The following CHIA variants were observed in gnomAD, a reference collection of about 807,000 sequenced individuals.
CHIA encodes acidic mammalian chitinase.
CHIA carries 47 observed loss-of-function variants against 53.5 expected under a neutral mutation model. The ratio of observed to expected loss-of-function variants is 0.88; its 90% CI spans 0.70 to 1.12. The LOEUF (loss-of-function observed/expected upper bound fraction) is 1.12, where lower values mean the gene tolerates loss of function less well. CHIA is among the 50% of genes most tolerant of loss of function. CHIA has a pLI of 0.00. For synonymous variants in CHIA, 268 were observed against 222.2 expected (o/e 1.21, Z -1.83); for missense variants, 652 against 592.2 (o/e 1.10, Z -1.05).
At chr1:111,320,143 C>T in intron 11 of CHIA, 70 bp from the exon 12 acceptor site, 3 of 1,449,650 alleles carry the variant, frequency 2.1e-6, no homozygotes, top group Non-Finnish European at 2.9e-6. Flanking sequence ...CCACAGTTCT[C>T]TTCACCTCTA....
intron 2 of CHIA, among the ~76,000 whole-genome samples, chr1:111,311,123 C>A (rs1648629075): frequency 6.6e-6 from 1 of 152,168 alleles, no homozygotes; most frequent in Admixed American, 6.5e-5. Flanking sequence ...AGAACCTTTT[C>A]CAAATGAAAC....
chr1:111,312,482 T>C (rs886766639), intron 4 of CHIA, 91 bp downstream of exon 4: 9 of 1,052,948 alleles, frequency 8.5e-6, no homozygotes, highest in Non-Finnish European at 1.3e-5. Flanking sequence ...GATCCATGGA[T>C]CTGAGATGGG....
At chr1:111,312,486 AGATGGGG>A in intron 4 of CHIA, 95 bp downstream of exon 4, 4 of 1,005,316 alleles carry the variant, frequency 4.0e-6, no homozygotes, top group Non-Finnish European at 6.2e-6. Context: ...CATGGATCTG[AGATGGGG>A]ACCAAGACTC....
In CHIA at chr1:111,319,339, A is replaced by C; in HGVS notation, c.1048A>C (p.Lys350Gln). 1 of 1,614,242 alleles carries C rather than the reference A, an allele frequency of 6.2e-7. No individual in the cohort carries two copies. Among genetic ancestry groups the C allele is most frequent in the Non-Finnish European group, 8.5e-7 (1 of 1,180,040 alleles). Residue 350 changes from lysine to glutamine, a missense_variant, in exon 11 of 12, where the codon AAG (lysine) becomes CAG (glutamine). Transcript: ENST00000369740. ...KSFDIKAQWL[K>Q]HNKFGGAMVW... ...TTTCTTTAAACAGGCTCAATGGCTTAAGCACAACAAATTTGGAGGCGCCAT... is the reference window on the plus strand; with the variant it reads ...TTTCTTTAAACAGGCTCAATGGCTTCAGCACAACAAATTTGGAGGCGCCAT...
chr1:111,291,022 CTTATTATATCAAGTTGT>C (rs1660981282), intron 1 of CHIA, 72 bp downstream of exon 1: 1 of 338,148 alleles, frequency 3.0e-6, no homozygotes, highest in South Asian at 2.3e-5. Context: ...TATCAATTTG[CTTATTATATCAAGTTGT>C]TTATTATATC....
rs539844424 is a variant in CHIA, at chr1:111,292,539, C to T, written c.-69+1589C>T. On this transcript the variant is annotated intron_variant, in intron 1 of 11. Coordinates refer to ENST00000369740, the MANE Select transcript of CHIA (RefSeq NM_201653.4). ...TACATTGACTGCATGGGCCAGTCTCCGTTATCTTTTTTTCCATGTTTTAAA... is the reference window on the plus strand; with the variant it reads ...TACATTGACTGCATGGGCCAGTCTCTGTTATCTTTTTTTCCATGTTTTAAA... Among the ~76,000 whole-genome samples, 10 of 152,198 alleles carry T rather than the reference C, an allele frequency of 6.6e-5. No homozygotes were observed. In the South Asian group the frequency reaches 1.2e-3, roughly 19 times the overall value.
chr1:111,307,396 A>G (rs1366874385), intron 1 of CHIA, among the ~76,000 whole-genome samples: 3 of 152,186 alleles, frequency 2.0e-5, no homozygotes, highest in Admixed American at 1.3e-4. Flanking sequence ...AGACTAATGA[A>G]TATGTTGAAA....
intron 5 of CHIA, 51 bp downstream of exon 5, chr1:111,314,647 A>G: frequency 7.3e-7 from 1 of 1,362,356 alleles, no homozygotes; most frequent in Non-Finnish European, 1.1e-6. Flanking sequence ...AAAACAAGTT[A>G]GCCCCATGTG....
intron 2 of CHIA, among the ~76,000 whole-genome samples, chr1:111,311,253 A>G (rs1169104352): frequency 1.3e-5 from 2 of 152,222 alleles, no homozygotes; most frequent in Non-Finnish European, 2.9e-5. Context: ...AGGCCTCCTG[A>G]AAGTCATTCC....
Position 111,314,703 on chromosome 1 carries a change from A to G in CHIA, c.314+107A>G, listed in dbSNP as rs1426085814. 5 of 724,524 alleles carry G rather than the reference A, an allele frequency of 6.9e-6. No homozygotes were observed. The East Asian group carries it at 1.3e-4, about 19-fold the overall frequency. The allele number at this position is 724,524 out of a possible 1,614,324, so 44.9% of individuals were successfully genotyped here. On this transcript the variant is annotated intron_variant, in intron 5 of 11. Coordinates refer to ENST00000369740, the MANE Select transcript of CHIA (RefSeq NM_201653.4). ...CACAATCTAAGACAGGGTATTGAGG[A>G]TGTACATAAACAAATATATGAATTA... is the stretch of plus-strand genomic sequence containing the variant.
At chr1:111,303,463 A>G (rs1647925857) in intron 1 of CHIA, among the ~76,000 whole-genome samples, 1 of 152,092 alleles carries the variant, frequency 6.6e-6, no homozygotes, top group South Asian at 2.1e-4. Context: ...ATATACATAT[A>G]TACATACACA....
In CHIA at chr1:111,314,605, T is replaced by A. The variant is rs1420954699; in HGVS notation, c.314+9T>A. ...AACTTCGGGACTGCCCCGTAAGTCTTCTATGGAGAGCATGTTGTTCGTTTG... is the reference window on the plus strand; with the variant it reads ...AACTTCGGGACTGCCCCGTAAGTCTACTATGGAGAGCATGTTGTTCGTTTG... On this transcript the variant is annotated intron_variant, in intron 5 of 11. Coordinates refer to ENST00000369740, the MANE Select transcript of CHIA (RefSeq NM_201653.4). 6.2e-7 allele frequency: 1 copy of A among 1,608,370 alleles called. No individual in the cohort carries two copies. The highest frequency in any genetic ancestry group is 1.1e-5 in the South Asian group (1 of 90,904).
chr1:111,301,900 G>C (rs12753801), intron 1 of CHIA, among the ~76,000 whole-genome samples: 42,283 of 151,692 alleles, frequency 0.28, 6,188 homozygotes, highest in East Asian at 0.36. Context: ...ACCAGGGCCT[G>C]TTGCGGGGTG....
chr1:111,295,584 G>A (rs565022351), intron 1 of CHIA, among the ~76,000 whole-genome samples: 3 of 152,004 alleles, frequency 2.0e-5, no homozygotes, highest in African/African-American at 4.8e-5. Context: ...TGTGATCAAC[G>A]CAGAAGACAG....
Position 111,320,207 on chromosome 1 carries a change from T to A in CHIA, c.1178-6T>A, listed in dbSNP as rs767455378. 1.2e-6 allele frequency: 2 copies of A among 1,612,302 alleles called. No homozygotes were observed. The highest frequency in any genetic ancestry group is 2.7e-5 in the African/African-American group (2 of 74,880). On this transcript the variant is annotated splice_region_variant and splice_polypyrimidine_tract_variant and intron_variant, in intron 11 of 11. Transcript: ENST00000369740. ...ACTAGTCTGCTCTTACTGCTGTATG[T>A]TTCAGGTTGCACGGCTCCAGCTCAG...
At chr1:111,314,860 A>G in intron 5 of CHIA, 1 of 485,762 alleles carries the variant, frequency 2.1e-6, no homozygotes, top group South Asian at 3.0e-5. Context: ...CTCTTCTTAA[A>G]GTATTTCAAG....
intron 4 of CHIA, 78 bp from the exon 5 acceptor site, chr1:111,314,462 C>T (rs1648976382): frequency 2.0e-6 from 2 of 991,260 alleles, no homozygotes; most frequent in Non-Finnish European, 3.2e-6. Context: ...TGACCAGATC[C>T]AACACTAAAG....
At position 111,317,987 on chromosome 1, in the gene CHIA, T is replaced by G; in HGVS notation, c.607T>G (p.Tyr203Asp). 3.1e-6 allele frequency: 5 copies of G among 1,614,154 alleles called. No individual in the cohort carries two copies. The highest frequency in any genetic ancestry group is 4.2e-6 in the Non-Finnish European group (5 of 1,180,012). The change falls in exon 8 of 12, where the codon TAC (tyrosine) becomes GAC (aspartate). Residue 203 changes from tyrosine to aspartate, a missense_variant and splice_region_variant. Transcript: ENST00000369740. Reference sequence around the variant, plus strand: ...TTTAAATCCTCCACCCCACCTCAGGTACCTGGACTACATCCATGTCATGAC... The same window carrying G: ...TTTAAATCCTCCACCCCACCTCAGGGACCTGGACTACATCCATGTCATGAC... ...SGYEIPQLSQ[Y>D]LDYIHVMTYD...
Position 111,297,646 on chromosome 1 carries a change from G to A in CHIA, c.-69+6696G>A, listed in dbSNP as rs768204724. On this transcript the variant is annotated intron_variant, in intron 1 of 11. Coordinates refer to ENST00000369740, the MANE Select transcript of CHIA (RefSeq NM_201653.4). ...ATGCCCAATTGTAAAGACCATTGAT[G>A]CTATGAAGAAACTGCATCAATTAAC... Among the ~76,000 whole-genome samples, 49 of 152,190 alleles carry A rather than the reference G, an allele frequency of 3.2e-4. 1 individual carries two copies. Among genetic ancestry groups the A allele is most frequent in the Admixed American group, 3.3e-4 (5 of 15,274 alleles).
Sources: gnomAD v4.1 joint callset for allele counts (sites outside exome capture counted in the v4.1 genomes callset) on GRCh38, gnomAD v4.1.1 for gene constraint, MANE v1.5 for transcripts, NCBI Gene and HGNC (gene_info 2026-07-23, HGNC 2026-07-21) for gene names.